HTR1F: variants seen among roughly 807,000 people sequenced by gnomAD.
The protein encoded by HTR1F is 5-hydroxytryptamine receptor 1F.
HTR1F carries 17 observed loss-of-function variants against 24.0 expected under a neutral mutation model. That is an observed-to-expected ratio of 0.71 (90% CI 0.48 to 1.06). The LOEUF is 1.06. Among genes scored for constraint, HTR1F ranks in the 50% least tolerant of loss-of-function variants. The pLI is 0.00. For missense variants in HTR1F, 391 were observed against 427.8 expected (o/e 0.91, Z 0.76); for synonymous variants, 186 against 156.8 (o/e 1.19, Z -1.39).
chr3:87,819,389 T>C (rs1704311570), intron 1 of HTR1F, among the ~76,000 whole-genome samples: 1 of 151,970 alleles, frequency 6.6e-6, no homozygotes, highest in Non-Finnish European at 1.5e-5. Context: ...ATACTGGTTG[T>C]TTTATCTGTA....
intron 2 of HTR1F, among the ~76,000 whole-genome samples, chr3:87,838,728 G>T (rs1364707466): frequency 2.6e-5 from 4 of 151,612 alleles, no homozygotes; most frequent in Non-Finnish European, 1.5e-5. Flanking sequence ...AACACAATTG[G>T]AATAACTACA....
intron 2 of HTR1F, among the ~76,000 whole-genome samples, chr3:87,885,544 G>T (rs565386172): frequency 1.3e-3 from 192 of 152,178 alleles, no homozygotes; most frequent in African/African-American, 4.6e-3. Flanking sequence ...AAAAATCAGT[G>T]AATCCAGGAG....
chr3:87,863,172 T>G (rs1164775672), intron 2 of HTR1F, among the ~76,000 whole-genome samples: 1 of 152,194 alleles, frequency 6.6e-6, no homozygotes, highest in Non-Finnish European at 1.5e-5. Context: ...GACCTAATGA[T>G]CTTTCTGAAG....
At chr3:87,851,883 C>G (rs899143905) in intron 2 of HTR1F, among the ~76,000 whole-genome samples, 1 of 150,278 alleles carries the variant, frequency 6.7e-6, no homozygotes, top group African/African-American at 2.5e-5. Flanking sequence ...TAAAAGTATT[C>G]TCAGAGCAAA....
At chr3:87,955,249 C>G (rs1704918958) in intron 2 of HTR1F, among the ~76,000 whole-genome samples, 1 of 151,426 alleles carries the variant, frequency 6.6e-6, no homozygotes, top group Non-Finnish European at 1.5e-5. Context: ...CATTCATCTG[C>G]TTTTTCGCAC....
rs763994292 is a variant in HTR1F, at chr3:87,866,819, C to CGTGT, written c.-43+44719_-43+44722dup. 5.5e-4 allele frequency among the ~76,000 whole-genome samples: 53 copies of CGTGT among 96,128 alleles called. 2 individuals are homozygous for CGTGT. In the East Asian group the frequency reaches 8.1e-3, roughly 15 times the overall value. 63.1% of individuals were successfully genotyped at this position (96,128 alleles called of 152,430 possible). On this transcript the variant is annotated intron_variant, in intron 2 of 2. Transcript: ENST00000319595. Reference sequence around the variant, plus strand: ...GTGTACATGGGCACAAGTGTGCGTGCGTGTGTGTGTGTGTGTGTGTGTGTG... The same window carrying CGTGT: ...GTGTACATGGGCACAAGTGTGCGTGCGTGTGTGTGTGTGTGTGTGTGTGTGTGTG...
Position 87,798,764 on chromosome 3 carries a change from T to C in HTR1F, c.-160+5922T>C, listed in dbSNP as rs534386466. Among the ~76,000 whole-genome samples the C allele has an allele frequency of 1.7e-3, 258 of 152,322 alleles. 1 individual carries two copies. Among genetic ancestry groups the C allele is most frequent in the African/African-American group, 6.0e-3 (248 of 41,572 alleles). ...ATCACTGAAAACTCAGCTCACCGAA[T>C]GACTCAGTAACATTGGACAAAGCTA... is the stretch of plus-strand genomic sequence containing the variant. On this transcript the variant is annotated intron_variant, in intron 1 of 2. Transcript: ENST00000319595.
At chr3:87,832,316 CT>C (rs60414125) in intron 2 of HTR1F, among the ~76,000 whole-genome samples, 28,529 of 125,452 alleles carry the variant, frequency 0.23, 1,508 homozygotes, top group African/African-American at 0.35. Flanking sequence ...AATATCCCTT[CT>C]TTTTTTTTTT....
chr3:87,951,532 T>C (rs1286473054), intron 2 of HTR1F, among the ~76,000 whole-genome samples: 1 of 152,010 alleles, frequency 6.6e-6, no homozygotes, highest in Non-Finnish European at 1.5e-5. Flanking sequence ...CACAGAAAAA[T>C]TGATTGGAAG....
chr3:87,822,220 A>G (rs994542490), intron 2 of HTR1F, among the ~76,000 whole-genome samples, 96 bp downstream of exon 2: 2 of 152,198 alleles, frequency 1.3e-5, no homozygotes, highest in African/African-American at 4.8e-5. Flanking sequence ...CAAAATGGAC[A>G]CTGGAGGGAT....
intron 2 of HTR1F, among the ~76,000 whole-genome samples, chr3:87,924,838 C>T (rs558352607): frequency 6.6e-6 from 1 of 152,124 alleles, no homozygotes; most frequent in South Asian, 2.1e-4. Flanking sequence ...CTACAGTGTG[C>T]CTCAGAGAGG....
At chr3:87,977,068 T>G (rs752170921) in intron 2 of HTR1F, among the ~76,000 whole-genome samples, 6 of 152,186 alleles carry the variant, frequency 3.9e-5, no homozygotes, top group Non-Finnish European at 5.9e-5. Context: ...TGTATGGTAA[T>G]TGTACATTAT....
intron 2 of HTR1F, among the ~76,000 whole-genome samples, chr3:87,961,608 T>G (rs1371136955): frequency 1.3e-5 from 2 of 152,000 alleles, no homozygotes; most frequent in African/African-American, 4.8e-5. Context: ...TCTAAATGAA[T>G]GAATGAATGA....
chr3:87,941,164 C>T (rs1401052060), intron 2 of HTR1F, among the ~76,000 whole-genome samples: 1 of 152,196 alleles, frequency 6.6e-6, no homozygotes, highest in Non-Finnish European at 1.5e-5. Flanking sequence ...TGGAAAGCTG[C>T]TTCTTCTGCT....
chr3:87,904,799 A>C (rs1350765573), intron 2 of HTR1F, among the ~76,000 whole-genome samples: 1 of 152,076 alleles, frequency 6.6e-6, no homozygotes, highest in Non-Finnish European at 1.5e-5. Flanking sequence ...GCTAATCTAG[A>C]TTGATGGAAG....
At chr3:87,916,610 A>G (rs1703900969) in intron 2 of HTR1F, among the ~76,000 whole-genome samples, 1 of 152,080 alleles carries the variant, frequency 6.6e-6, no homozygotes. Context: ...TAAAACAACA[A>G]TGGTTAAAAG....
intron 2 of HTR1F, among the ~76,000 whole-genome samples, chr3:87,924,632 T>A (rs1013794787): frequency 1.3e-5 from 2 of 152,190 alleles, no homozygotes; most frequent in African/African-American, 4.8e-5. Context: ...AAGGATAGCA[T>A]TGCTGGGTAC....
At chr3:87,951,533 T>C (rs1244903363) in intron 2 of HTR1F, among the ~76,000 whole-genome samples, 4 of 152,044 alleles carry the variant, frequency 2.6e-5, no homozygotes, top group Non-Finnish European at 5.9e-5. Context: ...ACAGAAAAAT[T>C]GATTGGAAGT....
intron 2 of HTR1F, among the ~76,000 whole-genome samples, chr3:87,884,699 C>T (rs1006925935): frequency 2.0e-4 from 31 of 152,086 alleles, no homozygotes; most frequent in African/African-American, 7.0e-4. Flanking sequence ...AGATTGCAAT[C>T]GTAGTCTGAT....
Sources: allele counts gnomAD v4.1 joint callset (sites outside exome capture counted in the v4.1 genomes callset), GRCh38; gene constraint gnomAD v4.1.1; transcripts MANE v1.5; gene names NCBI Gene and HGNC (gene_info 2026-07-23, HGNC 2026-07-21).